Variants in NDUFAF7 observed in about 807,000 individuals in gnomAD.
NDUFAF7 encodes protein arginine methyltransferase NDUFAF7, mitochondrial.
NDUFAF7 carries 48 observed loss-of-function variants against 47.2 expected under a neutral mutation model. The ratio of observed to expected loss-of-function variants is 1.02; its 90% CI spans 0.81 to 1.29. The LOEUF is 1.29. NDUFAF7 is among the 50% of genes most tolerant of loss of function. The pLI, the probability that NDUFAF7 is intolerant of heterozygous loss-of-function variation, is 0.00. For missense variants in NDUFAF7, 635 were observed against 537.6 expected, an observed-to-expected ratio of 1.18 and a Z score of -1.79; for synonymous variants, 217 against 190.0, an observed-to-expected ratio of 1.14 and a Z score of -1.17.
At chr2:37,259,709 A>G in the NDUFAF7 span, 18 of 1,507,786 alleles carry the variant, frequency 1.2e-5, no homozygotes, top group Non-Finnish European at 1.6e-5. Context: ...TTTCTTTTCA[A>G]TGTCTGGAAA....
At chr2:37,268,630 ACAAGAAATTTC>A in the NDUFAF7 span, 2 of 245,002 alleles carry the variant, frequency 8.2e-6, no homozygotes, top group African/African-American at 2.3e-5. Context: ...AGGTACGGGG[ACAAGAAATTTC>A]CACAGAGAAA....
intron 4 of NDUFAF7, among the ~76,000 whole-genome samples, chr2:37,240,738 A>T (rs1008771646): frequency 5.9e-5 from 9 of 152,202 alleles, no homozygotes; most frequent in African/African-American, 2.2e-4. Context: ...ACTGAGTCAT[A>T]AGAAGTCCTA....
intron 2 of NDUFAF7, 32 bp from the exon 3 acceptor site, chr2:37,236,064 A>G (rs1305694106): frequency 1.3e-6 from 2 of 1,540,028 alleles, no homozygotes; most frequent in African/African-American, 1.4e-5. Flanking sequence ...TTGAAAATTA[A>G]TTTTGTTTCT....
chr2:37,252,265 TACTG>T (rs1389531088), downstream of NDUFAF7: 1 of 152,154 alleles, frequency 6.6e-6, no homozygotes, highest in Non-Finnish European at 1.5e-5. Flanking sequence ...AAGCAGAAAT[TACTG>T]ACTGAACCCT....
At chr2:37,239,731 TAGC>T (rs1412062877) in intron 4 of NDUFAF7, among the ~76,000 whole-genome samples, 1 of 117,980 alleles carries the variant, frequency 8.5e-6, no homozygotes, top group African/African-American at 2.8e-5. Flanking sequence ...TGTGTGAAAG[TAGC>T]AGTTTGCAAG....
the NDUFAF7 span, among the ~76,000 whole-genome samples, chr2:37,264,949 G>C: frequency 5.3e-5 from 8 of 152,172 alleles, no homozygotes; most frequent in African/African-American, 1.7e-4. Flanking sequence ...TTCTAAATCA[G>C]TGATCCTGTG....
chr2:37,262,911 G>C, the NDUFAF7 span, among the ~76,000 whole-genome samples: 1 of 147,188 alleles, frequency 6.8e-6, no homozygotes, highest in Non-Finnish European at 1.5e-5. Context: ...CCCCGTATTT[G>C]TGGTTATCTC....
chr2:37,248,633 G>T lies in NDUFAF7; in HGVS notation c.*283G>T. On this transcript the variant is annotated 3_prime_UTR_variant, in exon 10 of 10. Coordinates refer to ENST00000002125, the MANE Select transcript of NDUFAF7 (RefSeq NM_144736.5). ...ATTTTATTTTAAAAAGTAAACATGC[G>T]GCTGGGCGTGGTGGCTCATGCCTGT... The T allele has an allele frequency of 2.6e-6, 1 of 389,766 alleles. No homozygotes were observed. Among genetic ancestry groups the T allele is most frequent in the Non-Finnish European group, 4.9e-6 (1 of 205,494 alleles). 24.1% of individuals were successfully genotyped at this position (389,766 alleles called of 1,614,324 possible).
downstream of NDUFAF7, chr2:37,256,562 A>G (rs1667956199): frequency 6.7e-6 from 9 of 1,352,044 alleles, no homozygotes; most frequent in Admixed American, 1.5e-4. Context: ...TACTAAAAAG[A>G]TAAGTTGCAA....
At chr2:37,250,717 A>G (rs987021210), downstream of NDUFAF7, 1 of 152,290 alleles carries the variant, frequency 6.6e-6, no homozygotes, top group Non-Finnish European at 1.5e-5. Context: ...GTATGGTGAT[A>G]GGAAATACAT....
downstream of NDUFAF7, chr2:37,253,258 T>G: frequency 6.2e-7 from 1 of 1,612,934 alleles, no homozygotes; most frequent in Non-Finnish European, 8.5e-7. Context: ...TGTATGCATG[T>G]ATTTCCCAGC....
chr2:37,252,847 T>TTATA (rs58356461), downstream of NDUFAF7: 47,127 of 144,890 alleles, frequency 0.33, 8,224 homozygotes, highest in East Asian at 0.43. Context: ...ATATTTATAT[T>TTATA]TATATATATA....
At chr2:37,232,969 G>T (rs535814033) in intron 2 of NDUFAF7, among the ~76,000 whole-genome samples, 1 of 152,306 alleles carries the variant, frequency 6.6e-6, no homozygotes, top group African/African-American at 2.4e-5. Context: ...GTTGGATATG[G>T]TAGTGTGACT....
downstream of NDUFAF7, among the ~76,000 whole-genome samples, chr2:37,258,131 A>T (rs1335399011): frequency 1.3e-5 from 2 of 152,188 alleles, no homozygotes; most frequent in Non-Finnish European, 2.9e-5. Flanking sequence ...TCTTTAGCAA[A>T]AGCATTAATA....
chr2:37,242,819 AT>A lies in NDUFAF7; in HGVS notation c.681+130del, dbSNP rs994179831. On this transcript the variant is annotated intron_variant, in intron 6 of 9. Transcript: ENST00000002125. ...AGGTTATTTTTAACTATTATTTGGAATTTTGGTACACAAATAATTCAAAAGC... is the reference window on the plus strand; with the variant it reads ...AGGTTATTTTTAACTATTATTTGGAATTTGGTACACAAATAATTCAAAAGC... 4.8e-5 allele frequency: 33 copies of A among 687,804 alleles called. No individual in the cohort carries two copies. In the African/African-American group the frequency reaches 6.1e-4, roughly 13 times the overall value. The allele number at this position is 687,804 out of a possible 1,614,324, so 42.6% of individuals were successfully genotyped here. A position where few individuals can be genotyped will look rare whatever the true frequency, so the allele number is the denominator to read the frequency against.
the NDUFAF7 span, chr2:37,260,191 G>A: frequency 2.0e-5 from 31 of 1,547,916 alleles, no homozygotes; most frequent in African/African-American, 4.2e-5. Flanking sequence ...GTTTTTAATC[G>A]CTAGTTTAAA....
At chr2:37,264,330 G>C in the NDUFAF7 span, among the ~76,000 whole-genome samples, 7 of 152,058 alleles carry the variant, frequency 4.6e-5, no homozygotes, top group Non-Finnish European at 1.0e-4. Flanking sequence ...ATAAGAATTT[G>C]CCGTGTACCC....
chr2:37,232,407 CAG>C (rs1395901069), intron 2 of NDUFAF7, 141 bp downstream of exon 2: 3 of 1,134,240 alleles, frequency 2.6e-6, no homozygotes, highest in Non-Finnish European at 2.7e-6. Flanking sequence ...GACCTGGGGA[CAG>C]ATAATTTGTC....
At chr2:37,260,857 T>C in the NDUFAF7 span, among the ~76,000 whole-genome samples, 5 of 152,310 alleles carry the variant, frequency 3.3e-5, no homozygotes, top group Non-Finnish European at 7.4e-5. Context: ...ATTAATTCCC[T>C]TTTTTTAGGC....
Sources: allele counts gnomAD v4.1 joint callset (sites outside exome capture counted in the v4.1 genomes callset), GRCh38; gene constraint gnomAD v4.1.1; transcripts MANE v1.5; gene names NCBI Gene and HGNC (gene_info 2026-07-23, HGNC 2026-07-21).